The following GPC5 variants were observed in gnomAD, a reference collection of about 807,000 sequenced individuals.
The protein encoded by GPC5 is glypican-5.
GPC5 carries 47 observed loss-of-function variants against 53.9 expected under a neutral mutation model. That is an observed-to-expected ratio of 0.87 (90% CI 0.69 to 1.11). The LOEUF is 1.11. Among genes scored for constraint, GPC5 ranks in the 50% most tolerant of loss-of-function variants. GPC5 has a pLI of 0.00. For missense variants in GPC5, 748 were observed against 713.1 expected (o/e 1.05, Z -0.56); for synonymous variants, 286 against 263.3 (o/e 1.09, Z -0.84).
At chr13:92,576,042 G>A (rs1883180043) in intron 7 of GPC5, among the ~76,000 whole-genome samples, 1 of 152,130 alleles carries the variant, frequency 6.6e-6, no homozygotes, top group African/African-American at 2.4e-5. Context: ...TCATAAAGGT[G>A]TGTATGTGTA....
intron 2 of GPC5, among the ~76,000 whole-genome samples, chr13:91,640,919 C>A (rs1354036188): frequency 6.6e-6 from 1 of 152,068 alleles, no homozygotes; most frequent in African/African-American, 2.4e-5. Context: ...AAATGTGGTG[C>A]ATATACACCA....
chr13:92,262,860 T>G (rs1378169000), intron 7 of GPC5, among the ~76,000 whole-genome samples: 1 of 152,200 alleles, frequency 6.6e-6, no homozygotes, highest in Non-Finnish European at 1.5e-5. Flanking sequence ...CTGTTAGCTC[T>G]TTCTCATCAT....
chr13:92,203,755 G>A (rs1217640099), intron 7 of GPC5, among the ~76,000 whole-genome samples: 8 of 142,444 alleles, frequency 5.6e-5, no homozygotes, highest in South Asian at 2.2e-4. Context: ...AACTTACTAG[G>A]AAAAAAAAAA....
At chr13:92,621,362 C>T (rs745415450) in intron 7 of GPC5, among the ~76,000 whole-genome samples, 2 of 152,110 alleles carry the variant, frequency 1.3e-5, no homozygotes, top group Non-Finnish European at 1.5e-5. Context: ...TGCCAGAGGT[C>T]GTGCCTCTGT....
At chr13:91,679,869 A>C (rs561289124) in intron 2 of GPC5, among the ~76,000 whole-genome samples, 1 of 152,158 alleles carries the variant, frequency 6.6e-6, no homozygotes, top group Non-Finnish European at 1.5e-5. Context: ...TGGCTCTCTC[A>C]ATGAAAGATA....
In GPC5 at chr13:92,830,285, G is replaced by C. The variant is rs16947940; in HGVS notation, c.1562-35997G>C. On this transcript the variant is annotated intron_variant, in intron 7 of 7. Transcript: ENST00000377067. ...TCATAGCCAAAAATAAATTGAAATA[G>C]GATGTGCTGGAAATATTTGATGCAT... Among the ~76,000 whole-genome samples, 324 of 152,134 alleles carry C rather than the reference G, an allele frequency of 2.1e-3. 1 individual carries two copies. Among genetic ancestry groups the C allele is most frequent in the African/African-American group, 7.2e-3 (299 of 41,530 alleles).
intron 6 of GPC5, among the ~76,000 whole-genome samples, chr13:91,920,360 A>G (rs1006253360): frequency 6.6e-5 from 10 of 152,246 alleles, no homozygotes; most frequent in African/African-American, 2.4e-4. Context: ...ATCGCAACAC[A>G]CAAAAAGAGA....
chr13:92,809,808 T>G (rs1047099685), intron 7 of GPC5, among the ~76,000 whole-genome samples: 4 of 152,086 alleles, frequency 2.6e-5, no homozygotes, highest in Non-Finnish European at 4.4e-5. Flanking sequence ...CATTTTTATT[T>G]TGGGTATATG....
intron 7 of GPC5, among the ~76,000 whole-genome samples, chr13:92,757,570 G>A (rs1452947189): frequency 6.6e-6 from 1 of 152,106 alleles, no homozygotes; most frequent in African/African-American, 2.4e-5. Context: ...GAAAATTTTT[G>A]CATCCTACTC....
At chr13:91,857,538 C>A (rs948761981) in intron 5 of GPC5, among the ~76,000 whole-genome samples, 1 of 150,050 alleles carries the variant, frequency 6.7e-6, no homozygotes, top group African/African-American at 2.4e-5. Flanking sequence ...TGATTTTATA[C>A]ACAAATGATT....
At chr13:91,762,803 A>G (rs566859982) in intron 5 of GPC5, among the ~76,000 whole-genome samples, 78 of 152,260 alleles carry the variant, frequency 5.1e-4, no homozygotes, top group African/African-American at 1.8e-3. Context: ...AATAATTTTC[A>G]ATTAAATCAT....
At chr13:92,650,154 T>C (rs1039316857) in intron 7 of GPC5, among the ~76,000 whole-genome samples, 6 of 152,148 alleles carry the variant, frequency 3.9e-5, no homozygotes, top group African/African-American at 1.4e-4. Flanking sequence ...ACAATATACC[T>C]AATTCTTCAG....
intron 7 of GPC5, among the ~76,000 whole-genome samples, chr13:92,544,799 C>T (rs1882046564): frequency 6.6e-6 from 1 of 151,882 alleles, no homozygotes; most frequent in African/African-American, 2.4e-5. Context: ...ATTTAGTTTC[C>T]ACATTATTTA....
intron 5 of GPC5, among the ~76,000 whole-genome samples, chr13:91,813,763 T>C (rs1454835612): frequency 6.6e-6 from 1 of 152,094 alleles, no homozygotes; most frequent in Non-Finnish European, 1.5e-5. Flanking sequence ...ACCTAATTAG[T>C]TTAGAAAAAC....
intron 7 of GPC5, among the ~76,000 whole-genome samples, chr13:92,201,246 T>A (rs1274167434): frequency 6.6e-6 from 1 of 152,196 alleles, no homozygotes; most frequent in African/African-American, 2.4e-5. Context: ...AAACTTTACA[T>A]AAAATGATGG....
Position 91,933,597 on chromosome 13 carries a change from T to C in GPC5, c.1401+25540T>C, listed in dbSNP as rs866057587. On this transcript the variant is annotated intron_variant, in intron 6 of 7. Coordinates refer to ENST00000377067, the MANE Select transcript of GPC5 (RefSeq NM_004466.6). ...ATATGCTAAAAGGTACCGAAACATA[T>C]ATGCCACACGTCCAAGTTTTCTCAG... Among the ~76,000 whole-genome samples, 6 of 152,100 alleles carry C rather than the reference T, an allele frequency of 3.9e-5. No individual in the cohort carries two copies. The Middle Eastern group carries it at 0.014, about 345-fold the overall frequency.
intron 7 of GPC5, among the ~76,000 whole-genome samples, chr13:92,423,204 T>G (rs191484828): frequency 1.4e-3 from 206 of 152,290 alleles, no homozygotes; most frequent in South Asian, 3.9e-3. Context: ...AGGCCCTACC[T>G]CCAAATGCCA....
At chr13:92,575,628 T>C (rs751000212) in intron 7 of GPC5, among the ~76,000 whole-genome samples, 16 of 152,174 alleles carry the variant, frequency 1.1e-4, no homozygotes, top group Non-Finnish European at 1.5e-4. Context: ...TCCCATTAAC[T>C]TCCTGTCTTT....
Position 92,579,104 on chromosome 13 carries a change from C to T in GPC5, c.1562-287178C>T, listed in dbSNP as rs138418653. Among the ~76,000 whole-genome samples the T allele has an allele frequency of 3.6e-3, 546 of 152,218 alleles. 2 individuals are homozygous for T. The highest frequency in any genetic ancestry group is 5.7e-3 in the Non-Finnish European group (389 of 68,010). ...TGTCAAAATTAATATTCTTCAATCA[C>T]CCACTTATCAAATCTATTTTAAATA... On this transcript the variant is annotated intron_variant, in intron 7 of 7. Transcript: ENST00000377067.
Sources: gnomAD v4.1 joint callset for allele counts (sites outside exome capture counted in the v4.1 genomes callset) on GRCh38, gnomAD v4.1.1 for gene constraint, MANE v1.5 for transcripts, NCBI Gene and HGNC (gene_info 2026-07-23, HGNC 2026-07-21) for gene names.